The following TTC28 variants were observed in gnomAD, a reference collection of about 807,000 sequenced individuals.
TTC28 encodes the protein tetratricopeptide repeat protein 28.
A neutral mutation model predicts 198.0 loss-of-function variants in TTC28; 61 were observed. The ratio of observed to expected loss-of-function variants is 0.31; its 90% CI spans 0.25 to 0.38. TTC28 has a LOEUF of 0.38. TTC28 is among the 10% of genes least tolerant of loss of function. The pLI, the probability that TTC28 is intolerant of heterozygous loss-of-function variation, is 1.00. For missense variants in TTC28, 2,678 were observed against 3,164.0 expected (o/e 0.85, Z 3.69); for synonymous variants, 1,171 against 1,297.8 (o/e 0.90, Z 2.10).
intron 13 of TTC28, among the ~76,000 whole-genome samples, chr22:28,025,441 G>A (rs1422471953): frequency 6.6e-6 from 1 of 152,192 alleles, no homozygotes; most frequent in African/African-American, 2.4e-5. Context: ...TTTCTCCTCT[G>A]CACTGTGTGC....
intron 2 of TTC28, among the ~76,000 whole-genome samples, chr22:28,615,041 A>T (rs761065742): frequency 5.3e-5 from 8 of 152,178 alleles, no homozygotes; most frequent in African/African-American, 9.7e-5. Flanking sequence ...TTTGCAATCT[A>T]TCCATCTGAC....
chr22:28,661,284 C>A (rs150185482), intron 1 of TTC28, among the ~76,000 whole-genome samples: 151 of 151,986 alleles, frequency 9.9e-4, no homozygotes, highest in African/African-American at 3.6e-3. Flanking sequence ...AACTCCATCT[C>A]AGAAAAAAAA....
chr22:28,339,236 G>C (rs1601654917), intron 2 of TTC28, among the ~76,000 whole-genome samples: 3 of 152,152 alleles, frequency 2.0e-5, no homozygotes, highest in Admixed American at 2.0e-4. Flanking sequence ...GTTGCTCCCT[G>C]ATCGTTCCTC....
chr22:28,626,008 T>G (rs1434907959), intron 2 of TTC28, among the ~76,000 whole-genome samples: 8 of 152,160 alleles, frequency 5.3e-5, no homozygotes, highest in Non-Finnish European at 1.0e-4. Flanking sequence ...TAACTTTGAC[T>G]CTTATCTCAC....
At chr22:28,454,704 G>T (rs1253250623) in intron 2 of TTC28, among the ~76,000 whole-genome samples, 1 of 152,144 alleles carries the variant, frequency 6.6e-6, no homozygotes. Flanking sequence ...AAGATGGGTA[G>T]ATAAAATGAT....
intron 2 of TTC28, among the ~76,000 whole-genome samples, chr22:28,484,900 A>G (rs942817723): frequency 6.6e-6 from 1 of 152,170 alleles, no homozygotes; most frequent in African/African-American, 2.4e-5. Flanking sequence ...AGTACACCAA[A>G]TAGCATAGCA....
intron 5 of TTC28, among the ~76,000 whole-genome samples, chr22:28,257,482 T>G (rs1601539548): frequency 6.6e-6 from 1 of 151,614 alleles, no homozygotes; most frequent in East Asian, 1.9e-4. Context: ...AGACATTAAG[T>G]GAAATTAGCC....
intron 5 of TTC28, among the ~76,000 whole-genome samples, chr22:28,176,775 AC>A (rs1298014200): frequency 6.6e-6 from 1 of 152,222 alleles, no homozygotes; most frequent in Non-Finnish European, 1.5e-5. Flanking sequence ...CTAATCTTTG[AC>A]AGGGTACAAA....
At chr22:28,621,452 T>C (rs570726709) in intron 2 of TTC28, among the ~76,000 whole-genome samples, 1 of 151,826 alleles carries the variant, frequency 6.6e-6, no homozygotes, top group African/African-American at 2.4e-5. Context: ...TCATGGCTCA[T>C]GACTATAATC....
chr22:28,324,838 G>T (rs1217288403), intron 2 of TTC28, among the ~76,000 whole-genome samples: 5 of 152,188 alleles, frequency 3.3e-5, no homozygotes, highest in Non-Finnish European at 2.9e-5. Flanking sequence ...ACAAGACAGG[G>T]ATGCCCTCTC....
chr22:28,202,188 C>A (rs114028838), intron 5 of TTC28, among the ~76,000 whole-genome samples: 1 of 152,156 alleles, frequency 6.6e-6, no homozygotes, highest in African/African-American at 2.4e-5. Context: ...TATCGTACTG[C>A]GTTTGAGTAG....
intron 5 of TTC28, among the ~76,000 whole-genome samples, chr22:28,193,548 C>T (rs1163759677): frequency 1.3e-5 from 2 of 152,082 alleles, no homozygotes; most frequent in East Asian, 1.9e-4. Flanking sequence ...ACCCATCTCA[C>T]GTGCAGACAC....
rs567234334 is a variant in TTC28 at position 28,216,106 on chromosome 22, T to A, written c.934-52507A>T. On this transcript the variant is annotated intron_variant, in intron 5 of 22. Coordinates refer to ENST00000397906, the MANE Select transcript of TTC28 (RefSeq NM_001145418.2). ...AGGAGATGCACTTTGGGTCACTCAC[T>A]GCTCCATCCTCAGCCTCCAGCACAG... is the stretch of plus-strand genomic sequence containing the variant. 3.3e-5 allele frequency among the ~76,000 whole-genome samples: 5 copies of A among 152,328 alleles called. No homozygotes were observed. In the East Asian group the frequency reaches 9.6e-4, roughly 29 times the overall value.
intron 2 of TTC28, among the ~76,000 whole-genome samples, chr22:28,526,110 C>T (rs1266243273): frequency 6.6e-6 from 1 of 152,126 alleles, no homozygotes; most frequent in African/African-American, 2.4e-5. Context: ...GAAACATTTG[C>T]AATCAAATAC....
chr22:28,468,690 A>ATTTTTTTTT (rs35984422), intron 2 of TTC28, among the ~76,000 whole-genome samples: 25 of 122,290 alleles, frequency 2.0e-4, no homozygotes, highest in Non-Finnish European at 2.7e-4. Flanking sequence ...CGCCCGGCTA[A>ATTTTTTTTT]TTTTTTTTTT....
At chr22:28,220,587 G>A (rs929017854) in intron 5 of TTC28, among the ~76,000 whole-genome samples, 3 of 152,188 alleles carry the variant, frequency 2.0e-5, no homozygotes, top group East Asian at 1.9e-4. Flanking sequence ...TGCCACATGG[G>A]GTTCCCCAAT....
intron 5 of TTC28, among the ~76,000 whole-genome samples, chr22:28,198,039 C>G (rs1396908800): frequency 1.3e-5 from 2 of 152,110 alleles, no homozygotes; most frequent in Admixed American, 6.6e-5. Context: ...CTCTCATGTA[C>G]TGCTGGTAGA....
chr22:28,537,510 G>T (rs768281939), intron 2 of TTC28, among the ~76,000 whole-genome samples: 1 of 151,764 alleles, frequency 6.6e-6, no homozygotes, highest in Non-Finnish European at 1.5e-5. Flanking sequence ...ATTCCAGATT[G>T]ATCAAAACTT....
Position 28,096,311 on chromosome 22 carries a change from G to T in TTC28, c.3645C>A (p.Asp1215Glu), listed in dbSNP as rs1270009654. ...GATCAATAGTGACTGGGGAGTAGGG[G>T]TCGGAGTCTTGTTGTCCTGTTTGTC... ...VERQTGQQDS[D>E]PYSPVTIDQI... Residue 1215 changes from aspartate (D) to glutamate (E), a missense_variant, in exon 11 of 23, where the codon GAC (aspartate) becomes GAA (glutamate). This residue lies in a region of TTC28 where 727 missense variants were observed against 861.9 expected (regional missense o/e 0.84). Coordinates refer to ENST00000397906, the MANE Select transcript of TTC28 (RefSeq NM_001145418.2). 3.2e-6 allele frequency: 5 copies of T among 1,551,866 alleles called. No individual in the cohort carries two copies. Among genetic ancestry groups the T allele is most frequent in the Non-Finnish European group, 4.4e-6 (5 of 1,147,048 alleles).
Sources: allele counts gnomAD v4.1 joint callset (sites outside exome capture counted in the v4.1 genomes callset), GRCh38; gene constraint gnomAD v4.1.1; regional missense constraint gnomAD v4.1.1; transcripts MANE v1.5; gene names NCBI Gene and HGNC (gene_info 2026-07-23, HGNC 2026-07-21).